The following DRC8 variants were observed in gnomAD, a reference collection of about 807,000 sequenced individuals.
The protein encoded by DRC8 is dynein regulatory complex protein 8.
chr1:244,995,108 AT>A, the DRC8 span, among the ~76,000 whole-genome samples: 1 of 152,050 alleles, frequency 6.6e-6, no homozygotes, highest in Non-Finnish European at 1.5e-5. Flanking sequence ...CACACCTGTC[AT>A]CCCCACACTT....
At chr1:245,004,547 A>G in the DRC8 span, among the ~76,000 whole-genome samples, 3 of 151,934 alleles carry the variant, frequency 2.0e-5, no homozygotes, top group Admixed American at 2.0e-4. Flanking sequence ...TCAGTGAATT[A>G]TATGTTTTAA....
chr1:245,114,491 A>G, the DRC8 span, among the ~76,000 whole-genome samples: 1 of 151,784 alleles, frequency 6.6e-6, no homozygotes, highest in African/African-American at 2.4e-5. Flanking sequence ...TGTCTTCCTA[A>G]GATGTCCCTA....
At chr1:245,112,434 G>A in the DRC8 span, among the ~76,000 whole-genome samples, 1 of 152,268 alleles carries the variant, frequency 6.6e-6, no homozygotes, top group South Asian at 2.1e-4. Context: ...TTACCTTTAA[G>A]ATTATTGGAG....
the DRC8 span, among the ~76,000 whole-genome samples, chr1:244,999,549 G>C: frequency 2.2e-3 from 335 of 152,118 alleles, 1 homozygote; most frequent in Middle Eastern, 0.02. Context: ...TTTTTTGTCA[G>C]ACATTGCTGA....
chr1:245,023,348 A>G, the DRC8 span, among the ~76,000 whole-genome samples: 15 of 152,174 alleles, frequency 9.9e-5, no homozygotes, highest in Non-Finnish European at 1.3e-4. Flanking sequence ...TGGTGTATAG[A>G]TATCTGTTCC....
At chr1:245,041,816 G>A in the DRC8 span, among the ~76,000 whole-genome samples, 4 of 152,080 alleles carry the variant, frequency 2.6e-5, no homozygotes, top group Non-Finnish European at 5.9e-5. Context: ...GGATGCTCGC[G>A]CACAGAGGGG....
At chr1:245,005,758 A>G in the DRC8 span, among the ~76,000 whole-genome samples, 11 of 152,238 alleles carry the variant, frequency 7.2e-5, no homozygotes, top group Admixed American at 7.2e-4. Flanking sequence ...TTGATAGACT[A>G]TTATGATAGA....
chr1:245,081,035 C>G, the DRC8 span, among the ~76,000 whole-genome samples: 1 of 152,198 alleles, frequency 6.6e-6, no homozygotes, highest in African/African-American at 2.4e-5. Flanking sequence ...CTCATACTCT[C>G]TAAATCAGCT....
chr1:245,020,613 C>CTTTTTT, the DRC8 span, among the ~76,000 whole-genome samples: 42 of 59,714 alleles, frequency 7.0e-4, no homozygotes, highest in East Asian at 4.1e-3. Flanking sequence ...GTTTTTCTTT[C>CTTTTTT]TTTTTTTTTT....
At chr1:245,117,412 A>AT in the DRC8 span, among the ~76,000 whole-genome samples, 1 of 151,666 alleles carries the variant, frequency 6.6e-6, no homozygotes, top group East Asian at 1.9e-4. Context: ...ACTTATTTTT[A>AT]TTTTAATTTT....
chr1:244,971,958 CAAAAAAA>C, the DRC8 span, among the ~76,000 whole-genome samples: 1 of 107,246 alleles, frequency 9.3e-6, no homozygotes, highest in African/African-American at 3.8e-5. Context: ...TGTTCTTTAC[CAAAAAAA>C]AAAAAAAAAA....
At chr1:244,979,607 A>C in the DRC8 span, among the ~76,000 whole-genome samples, 4 of 146,080 alleles carry the variant, frequency 2.7e-5, no homozygotes, top group Admixed American at 2.0e-4. Flanking sequence ...CGCCTGGCCT[A>C]ATTTTTGTAT....
chr1:245,019,151 C>T, the DRC8 span, among the ~76,000 whole-genome samples: 1 of 152,036 alleles, frequency 6.6e-6, no homozygotes, highest in Non-Finnish European at 1.5e-5. Context: ...ATAACTTTAC[C>T]GAGGCCCTGA....
the DRC8 span, among the ~76,000 whole-genome samples, chr1:245,036,660 A>G: frequency 2.0e-5 from 3 of 152,230 alleles, no homozygotes; most frequent in African/African-American, 2.4e-5. Flanking sequence ...GTTCAGCTAT[A>G]AAAGGAATGA....
At chr1:245,084,703 C>T in the DRC8 span, among the ~76,000 whole-genome samples, 3 of 152,176 alleles carry the variant, frequency 2.0e-5, no homozygotes, top group African/African-American at 7.2e-5. Context: ...GGTTCACAGA[C>T]TGGGTCCTGA....
chr1:245,021,464 C>T, the DRC8 span, among the ~76,000 whole-genome samples: 1 of 152,208 alleles, frequency 6.6e-6, no homozygotes, highest in Non-Finnish European at 1.5e-5. Context: ...GAGATGGCAT[C>T]TCACTGTGTG....
At chr1:245,024,590 C>T in the DRC8 span, among the ~76,000 whole-genome samples, 12 of 150,716 alleles carry the variant, frequency 8.0e-5, no homozygotes, top group East Asian at 1.2e-3. Flanking sequence ...CTCTGTTGCC[C>T]AGGCTGGAGT....
the DRC8 span, among the ~76,000 whole-genome samples, chr1:244,982,217 C>T: frequency 6.6e-6 from 1 of 152,156 alleles, no homozygotes; most frequent in Non-Finnish European, 1.5e-5. Flanking sequence ...TAGCTGATTA[C>T]TATCATGTCT....
the DRC8 span, among the ~76,000 whole-genome samples, chr1:244,980,039 C>CAAAAAAAAAAA: frequency 6.8e-5 from 1 of 14,710 alleles, no homozygotes; most frequent in Non-Finnish European, 1.4e-4. Flanking sequence ...CCCGTCTCTA[C>CAAAAAAAAAAA]TAAAAAAAAA....
Sources: allele counts gnomAD v4.1 joint callset (sites outside exome capture counted in the v4.1 genomes callset), GRCh38; gene constraint gnomAD v4.1.1; transcripts MANE v1.5; gene names NCBI Gene and HGNC (gene_info 2026-07-23, HGNC 2026-07-21).